The following BMPR2 variants were observed in gnomAD, a reference collection of about 807,000 sequenced individuals.
BMPR2 encodes bone morphogenetic protein receptor type 2.
In BMPR2, 29 loss-of-function variants were observed where a neutral mutation model predicts 100.8. The observed-to-expected ratio is 0.29, with a 90% CI of 0.21 to 0.39. The LOEUF is 0.39. Among genes scored for constraint, BMPR2 ranks in the 10% least tolerant of loss-of-function variants. The probability of loss-of-function intolerance (pLI) is 1.00; values close to 1 mark genes in which losing one functional copy is unlikely to be tolerated. For missense variants in BMPR2, 1,011 were observed against 1,274.5 expected (o/e 0.79, Z 3.15); for synonymous variants, 382 against 442.3 (o/e 0.86, Z 1.71).
chr2:202,422,400 G>A (rs897814105), intron 1 of BMPR2, among the ~76,000 whole-genome samples: 3 of 151,470 alleles, frequency 2.0e-5, no homozygotes, highest in South Asian at 4.2e-4. Context: ...TCCGCCTCCC[G>A]GGTTCCCACC....
chr2:202,552,943 A>G, intron 11 of BMPR2, 55 bp downstream of exon 11: 3 of 1,595,522 alleles, frequency 1.9e-6, no homozygotes, highest in Admixed American at 3.3e-5. Context: ...CTGAGACCCA[A>G]CAAAGAATAG....
chr2:202,439,658 A>G (rs1390010795), intron 1 of BMPR2, among the ~76,000 whole-genome samples: 1 of 150,148 alleles, frequency 6.7e-6, no homozygotes, highest in East Asian at 1.9e-4. Context: ...GGGGAAGCCA[A>G]CATTTTTGTC....
chr2:202,507,444 T>C (rs918667682), intron 3 of BMPR2, among the ~76,000 whole-genome samples: 1 of 152,132 alleles, frequency 6.6e-6, no homozygotes, highest in Non-Finnish European at 1.5e-5. Flanking sequence ...GACTGGAGTG[T>C]GGTAACACAA....
chr2:202,535,181 G>A (rs1460734199), intron 9 of BMPR2, among the ~76,000 whole-genome samples: 3 of 149,464 alleles, frequency 2.0e-5, no homozygotes, highest in African/African-American at 7.4e-5. Context: ...CTGGCGGGGG[G>A]CTGACCCCCC....
intron 3 of BMPR2, among the ~76,000 whole-genome samples, chr2:202,496,268 C>T (rs952771380): frequency 3.9e-5 from 6 of 152,158 alleles, no homozygotes; most frequent in African/African-American, 1.4e-4. Flanking sequence ...AGGCAGATTG[C>T]TTGAGCCCGG....
At chr2:202,504,678 C>CTTTTTTTTTTTTTTTTTT (rs144161668) in intron 3 of BMPR2, among the ~76,000 whole-genome samples, 2 of 112,474 alleles carry the variant, frequency 1.8e-5, no homozygotes, top group Admixed American at 9.6e-5. Flanking sequence ...ATAGTAGATT[C>CTTTTTTTTTTTTTTTTTT]TTTTTTTTTT....
At chr2:202,379,429 G>A (rs1387139613) in intron 1 of BMPR2, among the ~76,000 whole-genome samples, 2 of 152,306 alleles carry the variant, frequency 1.3e-5, no homozygotes, top group Non-Finnish European at 2.9e-5. Flanking sequence ...AATGGTAACA[G>A]CAGCACTAGC....
chr2:202,441,486 C>T (rs533645073), intron 1 of BMPR2, among the ~76,000 whole-genome samples: 18 of 147,398 alleles, frequency 1.2e-4, no homozygotes, highest in Admixed American at 4.0e-4. Flanking sequence ...GGGTGGATCA[C>T]GAGGTCAGCA....
rs1559062945 is a variant in BMPR2 at position 202,519,064 on chromosome 2, A to G, written c.852+12A>G. On this transcript the variant is annotated intron_variant, in intron 6 of 12. Transcript: ENST00000374580. The stretch of plus-strand genomic sequence containing the variant: ...AGTACTATCCCAATGTAAGTTCTTC[A>G]TAGAAAATAAACTGAGGCCAGGTGT... 6.2e-7 allele frequency: 1 copy of G among 1,612,410 alleles called. No homozygotes were observed. Among genetic ancestry groups the G allele is most frequent in the East Asian group, 2.2e-5 (1 of 44,870 alleles).
rs1347923151 is a variant in BMPR2, at chr2:202,503,194, GA to G, written c.419-10524del. ...AACAGCATTTGGGGTGTCCTGTTTA[GA>G]GGGGGGATTGAGAGGTAACAGCGTG... On this transcript the variant is annotated intron_variant, in intron 3 of 12. Coordinates refer to ENST00000374580, the MANE Select transcript of BMPR2 (RefSeq NM_001204.7). The surrounding 1 kb of genome is among the most constrained non-coding windows in gnomAD (Gnocchi z 4.0). Among the ~76,000 whole-genome samples, 1 of 152,228 alleles carries G rather than the reference GA, an allele frequency of 6.6e-6. No individual in the cohort carries two copies. The highest frequency in any genetic ancestry group is 1.5e-5 in the Non-Finnish European group (1 of 68,038).
At chr2:202,552,283 C>T (rs535688911) in intron 10 of BMPR2, among the ~76,000 whole-genome samples, 115 of 152,320 alleles carry the variant, frequency 7.5e-4, no homozygotes, top group Non-Finnish European at 1.4e-3. Flanking sequence ...AGCCACTGCG[C>T]CCAACCAAGT....
chr2:202,456,372 G>T (rs1692104800), intron 1 of BMPR2, among the ~76,000 whole-genome samples: 1 of 151,588 alleles, frequency 6.6e-6, no homozygotes, highest in Non-Finnish European at 1.5e-5. Context: ...TAGCGATGGG[G>T]TTTCACCATG....
chr2:202,538,793 CAA>C (rs34853164), intron 9 of BMPR2, among the ~76,000 whole-genome samples: 431 of 60,286 alleles, frequency 7.1e-3, no homozygotes, highest in African/African-American at 0.022. Flanking sequence ...GACTCTGTCT[CAA>C]AAAAAAAAAA....
Position 202,513,825 on chromosome 2 carries a change from G to A in BMPR2, c.525G>A (p.Leu175=), listed in dbSNP as rs1687666107. ...CCTTATGCTTTGGATACAGAATGTT[G>A]ACAGGTAAAAATTACCATTTTTTGT... ...IVALCFGYRM[L]TGDRKQGLHS... Residue 175 remains leucine, a synonymous_variant, in exon 4 of 13, where the codon TTG becomes TTA. Transcript: ENST00000374580. 3 of 1,607,058 alleles carry A rather than the reference G, an allele frequency of 1.9e-6. No homozygotes were observed. The highest frequency in any genetic ancestry group is 1.1e-5 in the South Asian group (1 of 90,744).
In BMPR2 at chr2:202,467,736, T is replaced by G. The variant is rs771394564; in HGVS notation, c.418+47T>G. 1.9e-6 allele frequency: 3 copies of G among 1,553,558 alleles called. No homozygotes were observed. The South Asian group carries it at 3.3e-5, about 17-fold the overall frequency. The stretch of plus-strand genomic sequence containing the variant: ...TCTTTGTATTTCCTTTCTCCAAAGA[T>G]TTGCAAAATATAAAAAAACTTAAAA... On this transcript the variant is annotated intron_variant, in intron 3 of 12. Transcript: ENST00000374580.
At chr2:202,419,785 T>C (rs1404291026) in intron 1 of BMPR2, among the ~76,000 whole-genome samples, 1 of 152,188 alleles carries the variant, frequency 6.6e-6, no homozygotes, top group Non-Finnish European at 1.5e-5. Flanking sequence ...GTTGATTCTT[T>C]AGCTTTTCAC....
chr2:202,486,315 G>T (rs909052276), intron 3 of BMPR2, among the ~76,000 whole-genome samples: 1 of 152,208 alleles, frequency 6.6e-6, no homozygotes, highest in African/African-American at 2.4e-5. Flanking sequence ...TGAAATATTT[G>T]TATTATTTTG....
At chr2:202,538,098 G>T (rs528921917) in intron 9 of BMPR2, among the ~76,000 whole-genome samples, 1 of 152,046 alleles carries the variant, frequency 6.6e-6, no homozygotes, top group South Asian at 2.1e-4. Context: ...CTCCAGCCTG[G>T]GTGACAGAAC....
chr2:202,456,124 C>A (rs1242435350), intron 1 of BMPR2, among the ~76,000 whole-genome samples: 2 of 137,000 alleles, frequency 1.5e-5, no homozygotes, highest in Admixed American at 1.6e-4. Context: ...TTGCTAATTA[C>A]CTGTTTCAGA....
Sources: gnomAD v4.1 joint callset for allele counts (sites outside exome capture counted in the v4.1 genomes callset) on GRCh38, gnomAD v4.1.1 for gene constraint, Gnocchi (gnomAD v3.1) non-coding constraint, MANE v1.5 for transcripts, NCBI Gene and HGNC (gene_info 2026-07-23, HGNC 2026-07-21) for gene names.